The following HPSE2 variants were observed in gnomAD, a reference collection of about 807,000 sequenced individuals.
The protein encoded by HPSE2 is heparanase 2 (inactive).
A neutral mutation model predicts 60.5 loss-of-function variants in HPSE2; 38 were observed. That is an observed-to-expected ratio of 0.63 (90% CI 0.48 to 0.82). HPSE2 has a LOEUF of 0.82. HPSE2 is among the 40% of genes least tolerant of loss of function. The pLI is 0.00. For missense variants in HPSE2, 713 were observed against 740.4 expected, an observed-to-expected ratio of 0.96 and a Z score of 0.43; for synonymous variants, 295 against 293.2, an observed-to-expected ratio of 1.01 and a Z score of -0.06.
At chr10:99,296,340 A>C in the HPSE2 span, among the ~76,000 whole-genome samples, 1 of 152,218 alleles carries the variant, frequency 6.6e-6, no homozygotes, top group Non-Finnish European at 1.5e-5. Flanking sequence ...GGGTGGAAGC[A>C]GCTTTCAATC....
intron 3 of HPSE2, among the ~76,000 whole-genome samples, chr10:99,132,201 GA>G (rs1845444594): frequency 5.9e-5 from 1 of 17,086 alleles, no homozygotes; most frequent in African/African-American, 1.0e-4. Flanking sequence ...AAGAGAGAGA[GA>G]GAGAGAGAGA....
At chr10:98,506,490 G>T (rs1245701677) in intron 9 of HPSE2, among the ~76,000 whole-genome samples, 1 of 151,802 alleles carries the variant, frequency 6.6e-6, no homozygotes, top group Non-Finnish European at 1.5e-5. Context: ...TGCTGCCCAT[G>T]CTGGAGTGCA....
intron 9 of HPSE2, among the ~76,000 whole-genome samples, chr10:98,555,383 C>T (rs999189345): frequency 6.6e-6 from 1 of 152,174 alleles, no homozygotes; most frequent in Non-Finnish European, 1.5e-5. Flanking sequence ...CCTGCAGAGC[C>T]CTGTATGTGT....
intron 3 of HPSE2, among the ~76,000 whole-genome samples, chr10:98,972,257 G>T (rs1018035567): frequency 6.6e-6 from 1 of 151,436 alleles, no homozygotes. Context: ...TATTCTTGTT[G>T]ATTCTAGGCA....
intron 3 of HPSE2, among the ~76,000 whole-genome samples, chr10:99,060,658 CAAAAAAAAAAAAA>C (rs35034456): frequency 4.2e-5 from 2 of 47,776 alleles, no homozygotes; most frequent in African/African-American, 9.4e-5. Flanking sequence ...AACTCTGTCT[CAAAAAAAAAAAAA>C]AAAAAAAAAA....
intron 2 of HPSE2, among the ~76,000 whole-genome samples, chr10:99,208,493 T>A (rs1161181614): frequency 6.6e-6 from 1 of 152,106 alleles, no homozygotes; most frequent in Non-Finnish European, 1.5e-5. Flanking sequence ...AAGACCAGCC[T>A]GGGCAACATG....
At chr10:98,751,400 T>C (rs1170455524) in intron 3 of HPSE2, among the ~76,000 whole-genome samples, 1 of 152,190 alleles carries the variant, frequency 6.6e-6, no homozygotes. Context: ...AAAACATAGT[T>C]AATTTGTTTT....
rs561235980 is a variant in HPSE2 at position 99,227,893 on chromosome 10, GTA to G, written c.448+4453_448+4454del. Among the ~76,000 whole-genome samples, 257 of 118,476 alleles carry G rather than the reference GTA, an allele frequency of 2.2e-3. 1 individual carries two copies. Among genetic ancestry groups the G allele is most frequent in the Admixed American group, 5.2e-3 (59 of 11,454 alleles). The allele number at this position is 118,476 out of a possible 152,430, so 77.7% of individuals were successfully genotyped here. On this transcript the variant is annotated intron_variant, in intron 2 of 11. Transcript: ENST00000370552. ...TATGTGTGTGTGTGTGTGTGTGTGT[GTA>G]TATACATATATATATATATACATAA...
chr10:99,219,059 C>T (rs1849227059), intron 2 of HPSE2, among the ~76,000 whole-genome samples: 1 of 152,214 alleles, frequency 6.6e-6, no homozygotes, highest in African/African-American at 2.4e-5. Flanking sequence ...CCAGAAAGCT[C>T]AAGTTATATT....
chr10:98,558,221 CCAAATGTAAA>C (rs1944069973), intron 9 of HPSE2, among the ~76,000 whole-genome samples: 1 of 152,082 alleles, frequency 6.6e-6, no homozygotes, highest in African/African-American at 2.4e-5. Context: ...TCTATTAAAG[CCAAATGTAAA>C]CATGTTCTAT....
At chr10:99,124,955 C>G (rs538392543) in intron 3 of HPSE2, among the ~76,000 whole-genome samples, 1 of 152,320 alleles carries the variant, frequency 6.6e-6, no homozygotes, top group African/African-American at 2.4e-5. Context: ...CTGCCACTGC[C>G]ATCAATAGCA....
At chr10:98,527,916 A>G (rs979158151) in intron 9 of HPSE2, among the ~76,000 whole-genome samples, 1 of 152,184 alleles carries the variant, frequency 6.6e-6, no homozygotes, top group Non-Finnish European at 1.5e-5. Context: ...CACGGAGCTA[A>G]TGAATGTACC....
intron 2 of HPSE2, 134 bp downstream of exon 2, chr10:99,232,214 T>TACACACACACACACAC (rs59437000): frequency 9.0e-5 from 81 of 898,248 alleles, no homozygotes; most frequent in African/African-American, 7.1e-4. Context: ...CGCGCGCGCA[T>TACACACACACACACAC]ACACACACAC....
intron 9 of HPSE2, among the ~76,000 whole-genome samples, chr10:98,508,114 G>C (rs1446376125): frequency 6.6e-6 from 1 of 152,088 alleles, no homozygotes; most frequent in African/African-American, 2.4e-5. Context: ...CAATTTACAA[G>C]GGACAAAGAG....
chr10:99,188,999 T>C (rs372786687), intron 2 of HPSE2, among the ~76,000 whole-genome samples: 7 of 152,238 alleles, frequency 4.6e-5, no homozygotes, highest in Admixed American at 6.5e-5. Flanking sequence ...TTCTGCCACA[T>C]GCAGCTGGCA....
chr10:98,819,639 G>C (rs1248763276), intron 3 of HPSE2, among the ~76,000 whole-genome samples: 1 of 152,074 alleles, frequency 6.6e-6, no homozygotes, highest in Non-Finnish European at 1.5e-5. Flanking sequence ...AATGTTGACA[G>C]TTTAATTCTT....
chr10:98,698,907 C>A (rs1468027026), intron 5 of HPSE2, among the ~76,000 whole-genome samples: 1 of 152,192 alleles, frequency 6.6e-6, no homozygotes, highest in East Asian at 1.9e-4. Flanking sequence ...TGGATAAATT[C>A]CTCCACACAT....
At chr10:98,492,517 A>AAAAAAAAAAAG (rs1941690856) in intron 9 of HPSE2, among the ~76,000 whole-genome samples, 2 of 151,532 alleles carry the variant, frequency 1.3e-5, no homozygotes, top group Non-Finnish European at 2.9e-5. Context: ...AGACAAAAAA[A>AAAAAAAAAAAG]AAAAAAAAAG....
rs1295681159 is a variant in HPSE2 at position 98,931,969 on chromosome 10, T to C, written c.611-187913A>G. On this transcript the variant is annotated intron_variant, in intron 3 of 11. Coordinates refer to ENST00000370552, the MANE Select transcript of HPSE2 (RefSeq NM_021828.5). ...TTGAAATTTCCTTTATTTATTTCTC[T>C]TGCCTAATTGCACTGGCCAGAACTT... 3.5e-5 allele frequency among the ~76,000 whole-genome samples: 5 copies of C among 143,720 alleles called. 1 individual carries two copies. Among genetic ancestry groups the C allele is most frequent in the Non-Finnish European group, 7.4e-5 (5 of 67,156 alleles). 94.3% of individuals were successfully genotyped at this position (143,720 alleles called of 152,430 possible). A position where few individuals can be genotyped will look rare whatever the true frequency, so the allele number is the denominator to read the frequency against.
Sources: gnomAD v4.1 joint callset for allele counts (sites outside exome capture counted in the v4.1 genomes callset) on GRCh38, gnomAD v4.1.1 for gene constraint, MANE v1.5 for transcripts, NCBI Gene and HGNC (gene_info 2026-07-23, HGNC 2026-07-21) for gene names.